ITFG2: variants seen among roughly 807,000 people sequenced by gnomAD.
The protein encoded by ITFG2 is integrin alpha FG-GAP repeat containing 2, also known as KICSTOR complex protein ITFG2.
In ITFG2, 36 loss-of-function variants were observed where a neutral mutation model predicts 54.4. The ratio of observed to expected loss-of-function variants is 0.66; its 90% CI spans 0.51 to 0.87. The LOEUF (loss-of-function observed/expected upper bound fraction) is 0.87. Among genes scored for constraint, ITFG2 ranks in the 40% least tolerant of loss-of-function variants. ITFG2 has a pLI of 0.00. For missense variants in ITFG2, 524 were observed against 576.7 expected (o/e 0.91, Z 0.94); for synonymous variants, 211 against 225.4 (o/e 0.94, Z 0.57).
intron 2 of ITFG2, among the ~76,000 whole-genome samples, chr12:2,841,875 C>A (rs944334509): frequency 6.6e-6 from 1 of 151,296 alleles, no homozygotes; most frequent in South Asian, 2.1e-4. Flanking sequence ...CCCGCCACCA[C>A]GCCCGGCTAA....
chr12:2,848,244 C>T (rs753403697), intron 2 of ITFG2, among the ~76,000 whole-genome samples: 26 of 152,164 alleles, frequency 1.7e-4, no homozygotes, highest in Non-Finnish European at 3.4e-4. Flanking sequence ...CAGGTGTGAC[C>T]ATCAATGTGG....
At chr12:2,827,445 AG>A, downstream of ITFG2, 1 of 1,527,158 alleles carries the variant, frequency 6.5e-7, no homozygotes, top group Non-Finnish European at 8.7e-7. The surrounding 1 kb of genome is among the most constrained non-coding windows in gnomAD (Gnocchi z 4.0). Context: ...CTCCTGTTGA[AG>A]GGGGTGACCC....
intron 1 of ITFG2, among the ~76,000 whole-genome samples, chr12:2,815,741 T>C (rs565702744): frequency 1.3e-5 from 2 of 152,200 alleles, no homozygotes; most frequent in Non-Finnish European, 2.9e-5. Context: ...TCGCATACTT[T>C]TCTGGGGTGG....
chr12:2,857,161 G>GC (rs2098090031), intron 2 of ITFG2: 4 of 689,420 alleles, frequency 5.8e-6, no homozygotes, highest in Non-Finnish European at 1.1e-5. Context: ...TGTCCCTGGA[G>GC]CCTCTTGTGA....
chr12:2,820,337 A>T (rs2097939135), intron 5 of ITFG2, 112 bp downstream of exon 5: 7 of 1,309,790 alleles, frequency 5.3e-6, no homozygotes, highest in Non-Finnish European at 6.2e-6. Flanking sequence ...AGAAGTGAAA[A>T]GTCACCTTGT....
At chr12:2,854,171 A>T (rs1056661385) in intron 2 of ITFG2, among the ~76,000 whole-genome samples, 1 of 151,848 alleles carries the variant, frequency 6.6e-6, no homozygotes, top group African/African-American at 2.4e-5. Flanking sequence ...GATTGCAGGC[A>T]CCCATCACCA....
intron 2 of ITFG2, among the ~76,000 whole-genome samples, chr12:2,848,448 G>T (rs1268744216): frequency 1.3e-5 from 2 of 152,170 alleles, no homozygotes; most frequent in East Asian, 3.8e-4. Context: ...GAGGCCCAAG[G>T]CCTCTGGGCT....
At chr12:2,830,559 G>A (rs944614269) in intron 2 of ITFG2, 1 of 755,654 alleles carries the variant, frequency 1.3e-6, no homozygotes, top group South Asian at 2.0e-5. Context: ...GAGGAAGGAG[G>A]TAGAGGATCC....
intron 2 of ITFG2, among the ~76,000 whole-genome samples, chr12:2,848,530 C>T (rs2098059459): frequency 6.6e-6 from 1 of 152,172 alleles, no homozygotes; most frequent in Non-Finnish European, 1.5e-5. Flanking sequence ...GGAGAGGCCG[C>T]TCTTTTACCT....
At chr12:2,826,471 G>T (rs1026555021), downstream of ITFG2, 1 of 152,180 alleles carries the variant, frequency 6.6e-6, no homozygotes, top group Non-Finnish European at 1.5e-5. Context: ...AGGCTCAGGG[G>T]CTCGGTGGGT....
At chr12:2,827,719 A>G (rs2153925671), downstream of ITFG2, 1 of 1,613,296 alleles carries the variant, frequency 6.2e-7, no homozygotes, top group Non-Finnish European at 8.5e-7. The surrounding 1 kb of genome is among the most constrained non-coding windows in gnomAD (Gnocchi z 4.0). Context: ...GAGGGTTCCC[A>G]GTGGTCACTG....
At chr12:2,818,417 G>T in intron 4 of ITFG2, 140 bp downstream of exon 4, 1 of 1,496,890 alleles carries the variant, frequency 6.7e-7, no homozygotes, top group Non-Finnish European at 9.0e-7. Flanking sequence ...TGATAAGCCA[G>T]GCATCACTCA....
chr12:2,827,746 C>T (rs1238790592), downstream of ITFG2: 7 of 1,611,358 alleles, frequency 4.3e-6, no homozygotes, highest in South Asian at 1.1e-5. The surrounding 1 kb of genome is among the most constrained non-coding windows in gnomAD (Gnocchi z 4.0). Flanking sequence ...TCCTCTTAGC[C>T]GTTGCTCCTT....
At chr12:2,859,741 C>G (rs143411280) in exon 4 of ITFG2, 68 of 1,068,352 alleles carry the variant, frequency 6.4e-5, no homozygotes, top group Non-Finnish European at 8.2e-5. Context: ...GGGTTCTGAT[C>G]CTCTTTGTGT....
At chr12:2,852,086 G>A (rs530220856) in intron 2 of ITFG2, among the ~76,000 whole-genome samples, 8 of 152,110 alleles carry the variant, frequency 5.3e-5, no homozygotes, top group Admixed American at 6.6e-5. Context: ...TTATGGGACC[G>A]CTGTGGTATA....
intron 2 of ITFG2, among the ~76,000 whole-genome samples, chr12:2,841,398 A>C (rs2098040795): frequency 6.6e-6 from 1 of 152,210 alleles, no homozygotes; most frequent in Admixed American, 6.5e-5. Context: ...AGAAGGGCTT[A>C]AAAAGGAAGG....
intron 1 of ITFG2, among the ~76,000 whole-genome samples, chr12:2,814,031 A>T (rs1174508362): frequency 6.6e-6 from 1 of 151,870 alleles, no homozygotes; most frequent in Non-Finnish European, 1.5e-5. Context: ...GCAGCCTTGA[A>T]CTCCTGGGCT....
intron 9 of ITFG2, among the ~76,000 whole-genome samples, chr12:2,822,457 T>C (rs1445906678): frequency 6.6e-6 from 1 of 152,234 alleles, no homozygotes; most frequent in African/African-American, 2.4e-5. Flanking sequence ...TTAATATCAC[T>C]GTGGCCCCTG....
At chr12:2,832,745 A>G (rs2098009963), upstream of ITFG2, among the ~76,000 whole-genome samples, 1 of 147,736 alleles carries the variant, frequency 6.8e-6, no homozygotes, top group Non-Finnish European at 1.5e-5. Flanking sequence ...ATGGCTCAGC[A>G]TCTAGTAGGC....
Sources: allele counts gnomAD v4.1 joint callset (sites outside exome capture counted in the v4.1 genomes callset), GRCh38; gene constraint gnomAD v4.1.1; non-coding constraint Gnocchi (gnomAD v3.1); transcripts MANE v1.5; gene names NCBI Gene and HGNC (gene_info 2026-07-23, HGNC 2026-07-21).